Variants in ZNF519 observed in about 807,000 individuals in gnomAD.
The protein encoded by ZNF519 is similar to Zinc finger protein 85 (Zinc finger protein HPF4) (HTF1).
ZNF519 carries 7 observed loss-of-function variants against 7.4 expected under a neutral mutation model. The observed-to-expected ratio is 0.94, with a 90% CI of 0.54 to 1.77. The LOEUF is 1.77. ZNF519 is among the 40% of genes most tolerant of loss of function. The pLI is 0.00. For missense variants in ZNF519, 586 were observed against 623.1 expected (o/e 0.94, Z 0.63); for synonymous variants, 179 against 203.3 (o/e 0.88, Z 1.02).
chr18:14,085,731 T>C (rs2046087962), intron 2 of ZNF519, among the ~76,000 whole-genome samples: 1 of 151,886 alleles, frequency 6.6e-6, no homozygotes, highest in African/African-American at 2.4e-5. Flanking sequence ...TTGACTTGGA[T>C]CCCAGTGTTG....
chr18:14,118,068 CT>C (rs537580044), intron 2 of ZNF519, among the ~76,000 whole-genome samples: 59 of 151,808 alleles, frequency 3.9e-4, no homozygotes, highest in Admixed American at 2.2e-3. Context: ...ATGAAATATT[CT>C]TTTTTTTGAG....
At chr18:14,093,751 C>T (rs1246692827) in intron 2 of ZNF519, among the ~76,000 whole-genome samples, 2 of 152,282 alleles carry the variant, frequency 1.3e-5, no homozygotes, top group East Asian at 3.9e-4. Flanking sequence ...TACAGCTTGA[C>T]ATCTGCCTTA....
chr18:14,080,476 C>T (rs1023133544), intron 3 of ZNF519, among the ~76,000 whole-genome samples: 11 of 152,044 alleles, frequency 7.2e-5, no homozygotes, highest in Non-Finnish European at 1.0e-4. Context: ...CACACGCCAC[C>T]ATGCCCAGCT....
downstream of ZNF519, among the ~76,000 whole-genome samples, chr18:14,096,633 A>T (rs2046137921): frequency 6.6e-6 from 1 of 152,144 alleles, no homozygotes; most frequent in South Asian, 2.1e-4. Flanking sequence ...CTCCCATCTC[A>T]GTCTCCCGAG....
exon 5 of ZNF519, chr18:14,076,418 A>T (rs1383874485): frequency 1.3e-5 from 2 of 152,200 alleles, no homozygotes; most frequent in African/African-American, 4.8e-5. Context: ...GAGTCTTTTC[A>T]TCATAACCAA....
chr18:14,111,917 C>CT (rs1429457782), intron 2 of ZNF519, among the ~76,000 whole-genome samples: 1 of 152,158 alleles, frequency 6.6e-6, no homozygotes, highest in Non-Finnish European at 1.5e-5. Flanking sequence ...CAACCTTGTT[C>CT]TGTAAGGCAA....
At position 14,104,905 on chromosome 18, in the gene ZNF519, C is replaced by T; in HGVS notation, c.*12G>A. 1 of 1,519,494 alleles carries T rather than the reference C, an allele frequency of 6.6e-7. No homozygotes were observed. Among genetic ancestry groups the T allele is most frequent in the Non-Finnish European group, 8.8e-7 (1 of 1,136,774 alleles). 94.1% of individuals were successfully genotyped at this position (1,519,494 alleles called of 1,614,324 possible). On this transcript the variant is annotated 3_prime_UTR_variant, in exon 3 of 3. Transcript: ENST00000590202. ...TTAGGGTTTTAGCACATTCTTTACA[C>T]TTGCAGGGTTTCTACCTGGTATGAA...
Position 14,102,069 on chromosome 18 carries a change from T to C in ZNF519, c.*2848A>G. The C allele has an allele frequency of 4.5e-6, 1 of 224,462 alleles. No individual in the cohort carries two copies. The highest frequency in any genetic ancestry group is 8.6e-6 in the Non-Finnish European group (1 of 116,170). The allele number at this position is 224,462 out of a possible 1,614,324, so 13.9% of individuals were successfully genotyped here. A position where few individuals can be genotyped will look rare whatever the true frequency, so the allele number is the denominator to read the frequency against. On this transcript the variant is annotated 3_prime_UTR_variant, in exon 3 of 3. Transcript: ENST00000590202. ...AAATGAACAATCTTTGTCAACACCA[T>C]TTTGTTAATTTGTGTTTTCAAACTA...
At chr18:14,123,000 A>C (rs1033910017) in intron 2 of ZNF519, 1 of 142,042 alleles carries the variant, frequency 7.0e-6, no homozygotes, top group Non-Finnish European at 1.5e-5. Context: ...TCATTGTTCA[A>C]TTCCCACCTA....
chr18:14,112,482 C>T (rs189200355), intron 2 of ZNF519, among the ~76,000 whole-genome samples: 1 of 152,200 alleles, frequency 6.6e-6, no homozygotes, highest in Admixed American at 6.5e-5. Flanking sequence ...AAATAAAGGG[C>T]AACCAAATTG....
intron 2 of ZNF519, among the ~76,000 whole-genome samples, chr18:14,087,970 G>T (rs929263180): frequency 1.1e-4 from 17 of 152,128 alleles, no homozygotes; most frequent in Non-Finnish European, 1.0e-4. Flanking sequence ...TGGAAAACAA[G>T]GAATGGAACT....
chr18:14,088,205 T>C (rs1262595091), intron 2 of ZNF519, among the ~76,000 whole-genome samples: 2 of 152,364 alleles, frequency 1.3e-5, no homozygotes, highest in Admixed American at 6.5e-5. Context: ...AGCATGTTTA[T>C]AGTATCAAGA....
chr18:14,105,584 G>T lies in ZNF519; in HGVS notation c.956C>A (p.Pro319His), dbSNP rs552977206. 6.2e-7 allele frequency: 1 copy of T among 1,613,618 alleles called. No homozygotes were observed. Among genetic ancestry groups the T allele is most frequent in the South Asian group, 1.1e-5 (1 of 91,030 alleles). The change falls in exon 3 of 3, where the codon CCT becomes CAT. Residue 319 changes from proline (P) to histidine (H), a missense_variant. Coordinates refer to ENST00000590202, the MANE Select transcript of ZNF519 (RefSeq NM_145287.4). ...TTTGCCACATTCCTTACACTTGAAA[G>T]GCTTCTCTCCAGTATGGATTCTCTG... ...QHQRIHTGEKPFKCKECGKAF... is the reference protein window; with the variant it reads ...QHQRIHTGEKHFKCKECGKAF...
chr18:14,080,777 C>T (rs184502839), intron 3 of ZNF519, among the ~76,000 whole-genome samples: 3 of 152,134 alleles, frequency 2.0e-5, no homozygotes, highest in African/African-American at 4.8e-5. Flanking sequence ...TGGAAGCAGT[C>T]AAGATGCTGT....
At chr18:14,112,017 T>G (rs1201249835) in intron 2 of ZNF519, among the ~76,000 whole-genome samples, 1 of 152,032 alleles carries the variant, frequency 6.6e-6, no homozygotes, top group Non-Finnish European at 1.5e-5. Flanking sequence ...CTAATAAAAA[T>G]ACTGGCAAGT....
intron 2 of ZNF519, among the ~76,000 whole-genome samples, chr18:14,106,906 A>C (rs1335565218): frequency 2.6e-5 from 4 of 152,130 alleles, no homozygotes; most frequent in Non-Finnish European, 5.9e-5. Context: ...GGAGTATTTC[A>C]ACTGGCCCTG....
intron 2 of ZNF519, among the ~76,000 whole-genome samples, chr18:14,120,193 A>G (rs2046263850): frequency 6.6e-6 from 1 of 152,046 alleles, no homozygotes. Context: ...ATGTGCATAA[A>G]AACAGATACA....
chr18:14,105,665 TA>T lies in ZNF519; in HGVS notation c.874del (p.Tyr292ThrfsTer245). ...HQKIHTGEKP[Y>X]KCKKCDKAFN... ...GGCTTTGTCACATTTTTTACATTTG[TA>T]AGGTTTCTCTCCAGTATGAATTTTC... On this transcript the variant is annotated frameshift_variant, in exon 3 of 3. Transcript: ENST00000590202. LOFTEE classifies it low-confidence loss of function (END_TRUNC). 6.2e-7 allele frequency: 1 copy of T among 1,613,456 alleles called. No homozygotes were observed. Among genetic ancestry groups the T allele is most frequent in the Non-Finnish European group, 8.5e-7 (1 of 1,179,866 alleles).
At chr18:14,121,087 A>C (rs776148964) in intron 2 of ZNF519, among the ~76,000 whole-genome samples, 5 of 152,102 alleles carry the variant, frequency 3.3e-5, no homozygotes, top group African/African-American at 4.8e-5. Flanking sequence ...AAACACAGAA[A>C]GACAAACTGT....
Sources: gnomAD v4.1 joint callset for allele counts (sites outside exome capture counted in the v4.1 genomes callset) on GRCh38, gnomAD v4.1.1 for gene constraint, MANE v1.5 for transcripts, NCBI Gene and HGNC (gene_info 2026-07-23, HGNC 2026-07-21) for gene names.